EPB41L4A: variants seen among roughly 807,000 people sequenced by gnomAD.
EPB41L4A encodes erythrocyte membrane protein band 4.1 like 4A, also known as band 4.1-like protein 4A.
A neutral mutation model predicts 108.6 loss-of-function variants in EPB41L4A; 100 were observed. The observed-to-expected ratio is 0.92, with a 90% CI of 0.78 to 1.09. The LOEUF (loss-of-function observed/expected upper bound fraction) is 1.09, where lower values mean the gene tolerates loss of function less well. Ranked by LOEUF, EPB41L4A falls within the 50% of genes least tolerant of loss-of-function variation. The pLI is 0.00. For synonymous variants in EPB41L4A, 319 were observed against 289.0 expected (o/e 1.10, Z -1.05); for missense variants, 1,030 against 842.7 (o/e 1.22, Z -2.75).
At chr5:112,231,987 T>C (rs998482361) in intron 12 of EPB41L4A, among the ~76,000 whole-genome samples, 7 of 151,498 alleles carry the variant, frequency 4.6e-5, no homozygotes, top group African/African-American at 1.5e-4. Flanking sequence ...TGGTGGCGTA[T>C]GCCTGTAATC....
At chr5:112,208,991 G>C (rs1314527411) in intron 13 of EPB41L4A, among the ~76,000 whole-genome samples, 4 of 152,148 alleles carry the variant, frequency 2.6e-5, no homozygotes, top group Non-Finnish European at 5.9e-5. Context: ...ACAAAACATA[G>C]GCAAATCCCT....
intron 12 of EPB41L4A, among the ~76,000 whole-genome samples, chr5:112,150,755 T>G (rs962332123): frequency 6.6e-6 from 1 of 152,242 alleles, no homozygotes; most frequent in African/African-American, 2.4e-5. Context: ...TAAGGCATAT[T>G]CATTTTATAT....
At chr5:112,389,476 A>C (rs1289667599) in intron 1 of EPB41L4A, among the ~76,000 whole-genome samples, 1 of 152,220 alleles carries the variant, frequency 6.6e-6, no homozygotes, top group Non-Finnish European at 1.5e-5. Context: ...CCAATTTCTC[A>C]AATAGGCCAG....
intron 1 of EPB41L4A, among the ~76,000 whole-genome samples, chr5:112,317,617 T>C (rs1007133175): frequency 3.3e-5 from 5 of 152,156 alleles, no homozygotes; most frequent in Non-Finnish European, 7.4e-5. Context: ...CTCACAATCA[T>C]AGAGTTTTCT....
At chr5:112,190,836 G>A (rs575695184) in intron 17 of EPB41L4A, among the ~76,000 whole-genome samples, 10 of 152,122 alleles carry the variant, frequency 6.6e-5, no homozygotes, top group Non-Finnish European at 1.3e-4. Flanking sequence ...GTTATTCTGT[G>A]TCATACCATT....
intron 1 of EPB41L4A, among the ~76,000 whole-genome samples, chr5:112,330,133 G>C (rs1756462906): frequency 6.6e-6 from 1 of 151,840 alleles, no homozygotes; most frequent in South Asian, 2.1e-4. Flanking sequence ...AGCTGAAGAG[G>C]GGGTGGGGTG....
chr5:112,330,789 T>A (rs1160080509), intron 1 of EPB41L4A, among the ~76,000 whole-genome samples: 2 of 151,798 alleles, frequency 1.3e-5, no homozygotes, highest in African/African-American at 4.8e-5. Flanking sequence ...TCTGGGTCTG[T>A]GTATCAATAT....
At chr5:112,339,476 A>C (rs1182521701) in intron 1 of EPB41L4A, among the ~76,000 whole-genome samples, 36 of 11,526 alleles carry the variant, frequency 3.1e-3, no homozygotes, top group Middle Eastern at 0.071. Flanking sequence ...ATATATATCT[A>C]TATATATATA....
chr5:112,356,544 C>A (rs1006033253), intron 1 of EPB41L4A, among the ~76,000 whole-genome samples: 4 of 152,186 alleles, frequency 2.6e-5, no homozygotes, highest in Non-Finnish European at 4.4e-5. Context: ...TAATAATATG[C>A]AAGAAACATA....
chr5:112,375,945 G>C (rs1426567291), intron 1 of EPB41L4A, among the ~76,000 whole-genome samples: 3 of 152,054 alleles, frequency 2.0e-5, no homozygotes, highest in Non-Finnish European at 4.4e-5. Context: ...AAGGGGTTAG[G>C]GTATGAAAAA....
At chr5:112,198,683 T>A (rs1306659393) in intron 15 of EPB41L4A, among the ~76,000 whole-genome samples, 1 of 152,144 alleles carries the variant, frequency 6.6e-6, no homozygotes, top group Non-Finnish European at 1.5e-5. Context: ...ATTTGTTTTA[T>A]TGTGGGTTTT....
intron 1 of EPB41L4A, among the ~76,000 whole-genome samples, chr5:112,319,269 A>C (rs1199835169): frequency 1.3e-5 from 2 of 151,504 alleles, no homozygotes; most frequent in Non-Finnish European, 3.0e-5. Flanking sequence ...GAACAACAAC[A>C]AAAAAAATGA....
chr5:112,246,004 A>G (rs1676519283), intron 9 of EPB41L4A, among the ~76,000 whole-genome samples: 1 of 152,190 alleles, frequency 6.6e-6, no homozygotes, highest in Non-Finnish European at 1.5e-5. Flanking sequence ...GGGATTATAC[A>G]ATTAGAGGTG....
intron 1 of EPB41L4A, among the ~76,000 whole-genome samples, chr5:112,418,554 C>T (rs944497884): frequency 6.6e-6 from 1 of 152,176 alleles, no homozygotes; most frequent in African/African-American, 2.4e-5. Context: ...AAGGAAAACG[C>T]CTTCAACAAA....
At chr5:112,387,717 C>T (rs1760657760) in intron 1 of EPB41L4A, among the ~76,000 whole-genome samples, 1 of 152,198 alleles carries the variant, frequency 6.6e-6, no homozygotes, top group Non-Finnish European at 1.5e-5. Flanking sequence ...CACAAGACCT[C>T]CAAAGTGCAG....
Position 112,362,445 on chromosome 5 carries a change from T to C in EPB41L4A, c.100-54955A>G, listed in dbSNP as rs184544719. On this transcript the variant is annotated intron_variant, in intron 1 of 22. Coordinates refer to ENST00000261486, the MANE Select transcript of EPB41L4A (RefSeq NM_022140.5). Reference sequence around the variant, plus strand: ...ACAGGTATGCGCTGCTGCGCCAAGATAATTTTTGTATTTTTAGTAGACACG... The same window carrying C: ...ACAGGTATGCGCTGCTGCGCCAAGACAATTTTTGTATTTTTAGTAGACACG... Among the ~76,000 whole-genome samples the C allele has an allele frequency of 4.6e-5, 7 of 152,134 alleles. No individual in the cohort carries two copies. In the East Asian group the frequency reaches 1.4e-3, roughly 29 times the overall value.
At chr5:112,149,358 G>A (rs1434196930) in intron 12 of EPB41L4A, among the ~76,000 whole-genome samples, 1 of 152,144 alleles carries the variant, frequency 6.6e-6, no homozygotes, top group Non-Finnish European at 1.5e-5. Context: ...TGTATTCCCA[G>A]CTACTTGGGA....
chr5:112,183,743 T>C (rs1210634747), intron 18 of EPB41L4A, among the ~76,000 whole-genome samples: 1 of 152,240 alleles, frequency 6.6e-6, no homozygotes, highest in South Asian at 2.1e-4. Context: ...ACTATTCCTA[T>C]TTATTCAGGT....
intron 17 of EPB41L4A, chr5:112,192,266 T>C (rs1761742028): frequency 2.0e-5 from 3 of 152,298 alleles, no homozygotes; most frequent in Admixed American, 1.3e-4. Flanking sequence ...TTCCACCCTC[T>C]TTCTCTGTAC....
Sources: allele counts gnomAD v4.1 joint callset (sites outside exome capture counted in the v4.1 genomes callset), GRCh38; gene constraint gnomAD v4.1.1; transcripts MANE v1.5; gene names NCBI Gene and HGNC (gene_info 2026-07-23, HGNC 2026-07-21).